MBD6: variants seen among roughly 807,000 people sequenced by gnomAD.
MBD6 encodes methyl-CpG binding domain protein 6.
Under a neutral mutation model 66.8 loss-of-function variants are expected in MBD6, and 22 were observed. The ratio of observed to expected loss-of-function variants is 0.33; its 90% CI spans 0.24 to 0.47. MBD6 has a LOEUF of 0.47. MBD6 is among the 20% of genes least tolerant of loss of function. The probability of loss-of-function intolerance (pLI) is 1.00; values close to 1 mark genes in which losing one functional copy is unlikely to be tolerated. For synonymous variants in MBD6, 540 were observed against 534.6 expected (o/e 1.01, Z -0.14); for missense variants, 1,322 against 1,286.9 (o/e 1.03, Z -0.42).
At chr12:57,530,466 C>A (rs901849416), downstream of MBD6, 2 of 483,350 alleles carry the variant, frequency 4.1e-6, no homozygotes, top group Non-Finnish European at 7.5e-6. Flanking sequence ...TCCTTATCCC[C>A]CAGGCCTGAG....
chr12:57,527,685 A>C, intron 8 of MBD6, 25 bp downstream of exon 8: 1 of 1,568,272 alleles, frequency 6.4e-7, no homozygotes. Flanking sequence ...GTGTGAATTC[A>C]CACTCTTGGT....
chr12:57,526,059 G>C lies in MBD6; in HGVS notation c.1091G>C (p.Arg364Pro), dbSNP rs375956303. 1.2e-6 allele frequency: 2 copies of C among 1,612,858 alleles called. No individual in the cohort carries two copies. The highest frequency in any genetic ancestry group is 1.7e-6 in the Non-Finnish European group (2 of 1,179,706). Residue 364 changes from arginine (R) to proline (P), a missense_variant, in exon 6 of 13, where the codon CGT becomes CCT. Transcript: ENST00000355673. Reference protein sequence around the residue: ...SHSSSLRPSQRRPRRPPTVFR... With the variant: ...SHSSSLRPSQPRPRRPPTVFR... Reference sequence around the variant, plus strand: ...TCCTCATCACTTCGTCCCTCTCAGCGTCGTCCCCGCAGACCCCCTACTGTA... The same window carrying C: ...TCCTCATCACTTCGTCCCTCTCAGCCTCGTCCCCGCAGACCCCCTACTGTA...
chr12:57,527,057 G>A lies in MBD6; in HGVS notation c.1912G>A (p.Gly638Arg), dbSNP rs1424126364. Residue 638 changes from glycine (G) to arginine (R), a missense_variant, in exon 7 of 13, where the codon GGG (glycine) becomes AGG (arginine). By Grantham distance (125) the Gly-to-Arg change is moderately radical. Transcript: ENST00000355673. ...LLALGPTAGDGEGSAEGAGGP... is the reference protein window; with the variant it reads ...LLALGPTAGDREGSAEGAGGP... ...GGCTCTGGGCCCCACAGCTGGGGAT[G>A]GGGAGGGATCTGCAGAGGGAGCCGG... 1 of 1,608,652 alleles carries A rather than the reference G, an allele frequency of 6.2e-7. No individual in the cohort carries two copies. Among genetic ancestry groups the A allele is most frequent in the Non-Finnish European group, 8.5e-7 (1 of 1,176,324 alleles).
In MBD6 at chr12:57,528,578, G is replaced by A. The variant is rs771410416; in HGVS notation, c.2820+18G>A. ...ACCTTAAGGTGAGTGCAGAGTGCTG[G>A]TAGTCTGGGCTCAGGGGCTCTGAGG... is the stretch of plus-strand genomic sequence containing the variant. On this transcript the variant is annotated intron_variant, in intron 10 of 12. Coordinates refer to ENST00000355673, the MANE Select transcript of MBD6 (RefSeq NM_052897.4). 1.2e-6 allele frequency: 2 copies of A among 1,611,468 alleles called. No homozygotes were observed. Among genetic ancestry groups the A allele is most frequent in the Non-Finnish European group, 8.5e-7 (1 of 1,178,518 alleles).
chr12:57,525,349 A>AGAG lies in MBD6; in HGVS notation c.383_385dup (p.Glu128dup). On this transcript the variant is annotated inframe_insertion and splice_region_variant, in exon 6 of 13. Coordinates refer to ENST00000355673, the MANE Select transcript of MBD6 (RefSeq NM_052897.4). ...CCCTTCATTTTTCATTTATTGCAGG[A>AGAG]GAGGGAGCGAGCCCCCAAATGTTCC... 3.2e-6 allele frequency: 5 copies of AGAG among 1,563,534 alleles called. No individual in the cohort carries two copies. Among genetic ancestry groups the AGAG allele is most frequent in the Non-Finnish European group, 4.3e-6 (5 of 1,161,034 alleles).
In MBD6 at chr12:57,529,185, C is replaced by T; in HGVS notation, c.2963C>T (p.Ala988Val). 1 of 1,614,076 alleles carries T rather than the reference C, an allele frequency of 6.2e-7. No homozygotes were observed. Among genetic ancestry groups the T allele is most frequent in the East Asian group, 2.2e-5 (1 of 44,866 alleles). Residue 988 changes from alanine (A) to valine (V), a missense_variant, in exon 13 of 13, where the codon GCC (alanine) becomes GTC (valine). Coordinates refer to ENST00000355673, the MANE Select transcript of MBD6 (RefSeq NM_052897.4). ...ARAAVPLPPRARPGRPAKNKR... is the reference protein window; with the variant it reads ...ARAAVPLPPRVRPGRPAKNKR... ...GCAGCTGTCCCTCTGCCTCCCCGGG[C>T]CCGCCCTGGCCGTCCTGCCAAAAAC...
Position 57,528,271 on chromosome 12 carries a change from C to A in MBD6, c.2531C>A (p.Pro844Gln), listed in dbSNP as rs553435129. 3 of 1,605,060 alleles carry A rather than the reference C, an allele frequency of 1.9e-6. No homozygotes were observed. Among genetic ancestry groups the A allele is most frequent in the East Asian group, 2.2e-5 (1 of 44,838 alleles). Residue 844 changes from proline (P) to glutamine (Q), a missense_variant, in exon 10 of 13, where the codon CCA becomes CAA. By Grantham distance (76) the Pro-to-Gln change is moderately conservative (BLOSUM62 -1). Coordinates refer to ENST00000355673, the MANE Select transcript of MBD6 (RefSeq NM_052897.4). The stretch of plus-strand genomic sequence containing the variant: ...CCACCCCATGGTTCTCCCGACCCCC[C>A]AGTCCCTGAGCTGCTCACTGGGAGG... ...LAPPHGSPDP[P>Q]VPELLTGRGS...
intron 6 of MBD6, 60 bp downstream of exon 6, chr12:57,526,448 T>C (rs1878962095): frequency 6.5e-7 from 1 of 1,527,472 alleles, no homozygotes; most frequent in East Asian, 2.3e-5. Context: ...CCAAGGCATT[T>C]AGGGGAATGT....
downstream of MBD6, chr12:57,530,461 AT>A: frequency 2.1e-6 from 1 of 473,864 alleles, no homozygotes; most frequent in East Asian, 3.2e-5. Context: ...CCACGTCCTT[AT>A]CCCCCAGGCC....
At position 57,524,826 on chromosome 12, in the gene MBD6, A is replaced by G; in HGVS notation, c.216+4A>G. The G allele has an allele frequency of 6.2e-7, 1 of 1,614,198 alleles. No homozygotes were observed. The highest frequency in any genetic ancestry group is 1.3e-5 in the African/African-American group (1 of 75,070). On this transcript the variant is annotated splice_donor_region_variant and intron_variant, in intron 4 of 12. Coordinates refer to ENST00000355673, the MANE Select transcript of MBD6 (RefSeq NM_052897.4). The stretch of plus-strand genomic sequence containing the variant: ...GTGTCCACTTAATGTCCCCAAGGTC[A>G]GAGTGGTGAGGGGCGCCTGAGAGTA...
In MBD6 at chr12:57,525,552, C is replaced by G. The variant is rs148047385; in HGVS notation, c.584C>G (p.Ser195Cys). The G allele has an allele frequency of 1.1e-5, 18 of 1,607,200 alleles. No individual in the cohort carries two copies. Among genetic ancestry groups the G allele is most frequent in the Non-Finnish European group, 1.5e-5 (18 of 1,176,494 alleles). Residue 195 changes from serine (S) to cysteine (C), a missense_variant, in exon 6 of 13, where the codon TCT (serine) becomes TGT (cysteine). Transcript: ENST00000355673. Reference protein sequence around the residue: ...FPPRLADPVPSGGSSSPRFLP... With the variant: ...FPPRLADPVPCGGSSSPRFLP... The stretch of plus-strand genomic sequence containing the variant: ...CCAAGGCTTGCTGACCCAGTCCCTT[C>G]TGGGGGCAGTAGCAGCCCCCGTTTC...
chr12:57,529,262 C>T lies in MBD6; in HGVS notation c.*28C>T, dbSNP rs1223579728. The T allele has an allele frequency of 2.5e-6, 4 of 1,613,162 alleles. No individual in the cohort carries two copies. The highest frequency in any genetic ancestry group is 3.4e-6 in the Non-Finnish European group (4 of 1,179,374). On this transcript the variant is annotated 3_prime_UTR_variant, in exon 13 of 13. Coordinates refer to ENST00000355673, the MANE Select transcript of MBD6 (RefSeq NM_052897.4). ...GCCATACCTGGAGCTGGATCTGACCCTGATTGGGGAGAGCTGAGTGCTGAG... is the reference window on the plus strand; with the variant it reads ...GCCATACCTGGAGCTGGATCTGACCTTGATTGGGGAGAGCTGAGTGCTGAG...
In MBD6 at chr12:57,524,406, C is replaced by G. The variant is rs1351911732; in HGVS notation, c.103C>G (p.Leu35Val). 6.3e-7 allele frequency: 1 copy of G among 1,586,072 alleles called. No individual in the cohort carries two copies. Among genetic ancestry groups the G allele is most frequent in the African/African-American group, 1.4e-5 (1 of 73,650 alleles). The change falls in exon 3 of 13, where the codon CTC becomes GTC. Residue 35 changes from leucine to valine, a missense_variant. Coordinates refer to ENST00000355673, the MANE Select transcript of MBD6 (RefSeq NM_052897.4). ...WQRCVREGAV[L>V]YISPSGTELS... ...GCGCTGTGTGCGAGAGGGTGCTGTG[C>G]TCTACATCAGGTACGGATCTTCACA...
Position 57,528,550 on chromosome 12 carries a change from A to C in MBD6, c.2810A>C (p.Glu937Ala). The change falls in exon 10 of 13, where the codon GAG becomes GCG. Residue 937 changes from glutamate (E) to alanine (A), a missense_variant. Physicochemically the swap from Glu to Ala is moderately radical, Grantham distance 107. Transcript: ENST00000355673. ...CCACCCCCTCCCGGGCCCCATTCTG[A>C]GGACCTTAAGGTGAGTGCAGAGTGC... ...KDPPPPGPHS[E>A]DLKVPPGVVR... 9.3e-6 allele frequency: 15 copies of C among 1,609,176 alleles called. No homozygotes were observed. Among genetic ancestry groups the C allele is most frequent in the Non-Finnish European group, 1.2e-5 (14 of 1,176,828 alleles).
intron 4 of MBD6, 55 bp from the exon 5 acceptor site, chr12:57,524,898 C>T: frequency 8.7e-6 from 14 of 1,607,382 alleles, no homozygotes; most frequent in Non-Finnish European, 1.1e-5. Context: ...CTGAGGTAGC[C>T]CTTCTCACAG....
Position 57,526,701 on chromosome 12 carries a change from C to A in MBD6, c.1556C>A (p.Pro519His). The stretch of plus-strand genomic sequence containing the variant: ...CCCCTGGCTGGTGGAGAGGCTTTCC[C>A]TTTCCCCAGCCCTGAGCAGGGCCTG... Reference protein sequence around the residue: ...LPPLAGGEAFPFPSPEQGLAL... With the variant: ...LPPLAGGEAFHFPSPEQGLAL... Residue 519 changes from proline to histidine, a missense_variant, in exon 7 of 13, where the codon CCT becomes CAT. Pro to His is a moderately conservative substitution (Grantham distance 77, BLOSUM62 -2). Coordinates refer to ENST00000355673, the MANE Select transcript of MBD6 (RefSeq NM_052897.4). 1 of 1,536,978 alleles carries A rather than the reference C, an allele frequency of 6.5e-7. No homozygotes were observed. Among genetic ancestry groups the A allele is most frequent in the Admixed American group, 2.1e-5 (1 of 47,538 alleles).
At position 57,527,235 on chromosome 12, in the gene MBD6, T is replaced by TG; in HGVS notation, c.2082+13dup. On this transcript the variant is annotated intron_variant, in intron 7 of 12. Transcript: ENST00000355673. ...TCGGGGACACCCCCCCAGGTGAGGA[T>TG]GGGGGTGAGTAGGTGGGACAGAACA... 6.8e-7 allele frequency: 1 copy of TG among 1,476,068 alleles called. No individual in the cohort carries two copies. The highest frequency in any genetic ancestry group is 9.0e-7 in the Non-Finnish European group (1 of 1,106,550). 91.4% of individuals were successfully genotyped at this position (1,476,068 alleles called of 1,614,324 possible).
At position 57,529,931 on chromosome 12, in the gene MBD6, CAG is replaced by C. The variant is rs1404122788; in HGVS notation, c.*701_*702del. On this transcript the variant is annotated 3_prime_UTR_variant, in exon 13 of 13. Coordinates refer to ENST00000355673, the MANE Select transcript of MBD6 (RefSeq NM_052897.4). Reference sequence around the variant, plus strand: ...CCCCTTCTCCCCCCATCAAAACGCTCAGAGACGTTGTGATGATGCGACTGAGG... The same window carrying C: ...CCCCTTCTCCCCCCATCAAAACGCTCAGACGTTGTGATGATGCGACTGAGG... The C allele has an allele frequency of 6.5e-6, 1 of 152,878 alleles. No individual in the cohort carries two copies. The highest frequency in any genetic ancestry group is 1.5e-5 in the Non-Finnish European group (1 of 68,218). The allele number at this position is 152,878 out of a possible 1,614,324, so 9.5% of individuals were successfully genotyped here.
intron 1 of MBD6, chr12:57,523,455 C>A: frequency 6.6e-6 from 1 of 152,254 alleles, no homozygotes; most frequent in Non-Finnish European, 1.5e-5. Context: ...TTCTGAATCC[C>A]TTTGCCGTAG....
Sources: allele counts gnomAD v4.1 joint callset, GRCh38; gene constraint gnomAD v4.1.1; transcripts MANE v1.5; gene names NCBI Gene and HGNC (gene_info 2026-07-23, HGNC 2026-07-21).